The following ZNF445 variants were observed in gnomAD, a reference collection of about 807,000 sequenced individuals.
The protein encoded by ZNF445 is zinc finger protein 168.
ZNF445 carries 19 observed loss-of-function variants against 93.9 expected under a neutral mutation model. That is an observed-to-expected ratio of 0.20 (90% confidence interval 0.14 to 0.30). The LOEUF (loss-of-function observed/expected upper bound fraction) is 0.30. Ranked by LOEUF, ZNF445 falls within the 10% of genes least tolerant of loss-of-function variation. ZNF445 has a pLI of 1.00. For missense variants in ZNF445, 1,058 were observed against 1,259.4 expected, an observed-to-expected ratio of 0.84 and a Z score of 2.42; for synonymous variants, 449 against 446.3, an observed-to-expected ratio of 1.01 and a Z score of -0.08.
chr3:44,468,710 C>T (rs899026083), intron 1 of ZNF445, among the ~76,000 whole-genome samples: 7 of 136,690 alleles, frequency 5.1e-5, no homozygotes, highest in African/African-American at 1.1e-4. Flanking sequence ...CAGCACAAGA[C>T]GACAGCTGTG....
Position 44,447,991 on chromosome 3 carries a change from T to C in ZNF445, c.1680A>G (p.Arg560=), listed in dbSNP as rs1346993626. The C allele has an allele frequency of 6.2e-7, 1 of 1,612,054 alleles. No individual in the cohort carries two copies. Among genetic ancestry groups the C allele is most frequent in the Non-Finnish European group, 8.5e-7 (1 of 1,180,000 alleles). Residue 560 remains arginine (R), a synonymous_variant, in exon 8 of 8, where the codon CGA becomes CGG. Transcript: ENST00000396077. The surrounding 1 kb of genome is among the most constrained non-coding windows in gnomAD (Gnocchi z 4.7). ...FRRLSAYRLH[R]ETHAKKKFLE... The stretch of plus-strand genomic sequence containing the variant: ...GAAATTTCTTCTTAGCATGGGTTTC[T>C]CGGTGCAGACGGTAGGCTGACAGGC...
intron 2 of ZNF445, among the ~76,000 whole-genome samples, chr3:44,456,420 A>AGAAG (rs1559396064): frequency 6.6e-6 from 1 of 152,164 alleles, no homozygotes; most frequent in African/African-American, 2.4e-5. Context: ...CTGTCTCAAA[A>AGAAG]CAAGCAAGCA....
rs1434799491 is a variant in ZNF445 at position 44,434,757 on chromosome 3, C to T, written c.*11818G>A. 6.6e-6 allele frequency: 1 copy of T among 152,168 alleles called. No individual in the cohort carries two copies. 9.4% of individuals were successfully genotyped at this position (152,168 alleles called of 1,614,324 possible). ...AGAGAAACATTCACCAGATGGGTAA[C>T]TGGGCAGCCAAGGGGATAATCGGAT... On this transcript the variant is annotated 3_prime_UTR_variant, in exon 8 of 8. Transcript: ENST00000396077.
At position 44,455,229 on chromosome 3, in the gene ZNF445, C is replaced by A. The variant is rs779961636; in HGVS notation, c.321G>T (p.Leu107=). 5.0e-6 allele frequency: 8 copies of A among 1,614,116 alleles called. No individual in the cohort carries two copies. The African/African-American group carries it at 8.0e-5, about 16-fold the overall frequency. ...LLVLEQFLSI[L]PGELRVWVQL... is the part of the protein sequence containing the mutation. ...GCACCCAAACCCGGAGCTCCCCAGG[C>A]AGGATGCTCAGGAACTGTTCCAGCA... The change falls in exon 3 of 8, where the codon CTG becomes CTT. Residue 107 remains leucine (L), a synonymous_variant. Transcript: ENST00000396077.
chr3:44,443,175 C>T lies in ZNF445; in HGVS notation c.*3400G>A, dbSNP rs1559388084. 6.6e-6 allele frequency: 1 copy of T among 152,216 alleles called. No individual in the cohort carries two copies. 9.4% of individuals were successfully genotyped at this position (152,216 alleles called of 1,614,324 possible). A position where few individuals can be genotyped will look rare whatever the true frequency, so the allele number is the denominator to read the frequency against. Reference sequence around the variant, plus strand: ...CCAGGTGAAGGGAGGCAGCACAAGGCAGAACACTCTGGGGGGCTGGCATGG... The same window carrying T: ...CCAGGTGAAGGGAGGCAGCACAAGGTAGAACACTCTGGGGGGCTGGCATGG... On this transcript the variant is annotated 3_prime_UTR_variant, in exon 8 of 8. Coordinates refer to ENST00000396077, the MANE Select transcript of ZNF445 (RefSeq NM_181489.6).
Position 44,447,600 on chromosome 3 carries a change from TAAAAGTTTTCCCACACTGCTGACACAG to T in ZNF445, c.2044_2070del (p.Leu682_Phe690del), listed in dbSNP as rs1697898071. 1 of 1,614,070 alleles carries T rather than the reference TAAAAGTTTTCCCACACTGCTGACACAG, an allele frequency of 6.2e-7. No individual in the cohort carries two copies. The highest frequency in any genetic ancestry group is 8.5e-7 in the Non-Finnish European group (1 of 1,180,038). On this transcript the variant is annotated inframe_deletion, in exon 8 of 8. Coordinates refer to ENST00000396077, the MANE Select transcript of ZNF445 (RefSeq NM_181489.6). This position sits in a 1 kb window ranked among gnomAD's most constrained non-coding sequence, Gnocchi z 4.7. ...TGGTCAACGAGAGTTTTCTTTCTAG[TAAAAGTTTTCCCACACTGCTGACACAG>T]AAATGTTTTCTCCACAGCGGGAGCA...
intron 1 of ZNF445, among the ~76,000 whole-genome samples, chr3:44,462,378 C>G (rs1698128503): frequency 6.6e-6 from 1 of 152,136 alleles, no homozygotes; most frequent in African/African-American, 2.4e-5. Context: ...ATAGGTAGCC[C>G]TAAAAATTAT....
At position 44,451,468 on chromosome 3, in the gene ZNF445, G is replaced by A. The variant is rs752144717; in HGVS notation, c.444C>T (p.Ala148=). The change falls in exon 4 of 8, where the codon GCC becomes GCT. Residue 148 remains alanine, a synonymous_variant. Transcript: ENST00000396077. The stretch of plus-strand genomic sequence containing the variant: ...CCATCCAATGCACATCTGGGCTCTG[G>A]GCAGGGCCCGGGTCCTGGCAAGAAG... ...DGTSWRDPGP[A]QSPDVHWMGT... The A allele has an allele frequency of 2.5e-6, 4 of 1,606,324 alleles. No homozygotes were observed. The highest frequency in any genetic ancestry group is 2.6e-6 in the Non-Finnish European group (3 of 1,174,250).
intron 1 of ZNF445, among the ~76,000 whole-genome samples, chr3:44,459,812 TAAC>T (rs1698084814): frequency 6.6e-6 from 1 of 152,168 alleles, no homozygotes; most frequent in Admixed American, 6.5e-5. Context: ...CAAATTTAAA[TAAC>T]AAATAAAACC....
chr3:44,464,077 C>A (rs1289876665), intron 1 of ZNF445, among the ~76,000 whole-genome samples: 1 of 152,052 alleles, frequency 6.6e-6, no homozygotes, highest in Non-Finnish European at 1.5e-5. Context: ...AGTGAGCTGA[C>A]ATCGTACCAT....
chr3:44,447,439 A>C lies in ZNF445; in HGVS notation c.2232T>G (p.Ser744Arg). 1 of 1,614,208 alleles carries C rather than the reference A, an allele frequency of 6.2e-7. No homozygotes were observed. The highest frequency in any genetic ancestry group is 8.5e-7 in the Non-Finnish European group (1 of 1,180,044). Residue 744 changes from serine (S) to arginine (R), a missense_variant, in exon 8 of 8, where the codon AGT (serine) becomes AGG (arginine). Physicochemically the swap from Ser to Arg is moderately radical, Grantham distance 110. Transcript: ENST00000396077. This position sits in a 1 kb window ranked among gnomAD's most constrained non-coding sequence, Gnocchi z 4.7. ...GAGGAACCTGGAACACTGTGTCCTG[A>C]CTAAAAGATGGCCCGCCCTCAGGTT... ...KRKPEGGPSF[S>R]QDTVFQVPQS...
In ZNF445 at chr3:44,450,480, T is replaced by A. The variant is rs765111341; in HGVS notation, c.787A>T (p.Met263Leu). 1.9e-6 allele frequency: 3 copies of A among 1,614,054 alleles called. No individual in the cohort carries two copies. Among genetic ancestry groups the A allele is most frequent in the Non-Finnish European group, 2.5e-6 (3 of 1,180,046 alleles). Residue 263 changes from methionine (M) to leucine (L), a missense_variant, in exon 6 of 8, where the codon ATG becomes TTG. Transcript: ENST00000396077. ...GCCATGTTCCTATAATTCTCCAGCA[T>A]CACATCCCTGTACAGGTTCCTCTGA... is the stretch of plus-strand genomic sequence containing the variant. ...SAQRNLYRDVMLENYRNMASL... is the reference protein window; with the variant it reads ...SAQRNLYRDVLLENYRNMASL...
rs1269265819 is a variant in ZNF445 at position 44,446,118 on chromosome 3, G to A, written c.*457C>T. 5.7e-6 allele frequency: 1 copy of A among 176,552 alleles called. No homozygotes were observed. The highest frequency in any genetic ancestry group is 1.2e-5 in the Non-Finnish European group (1 of 84,504). 10.9% of individuals were successfully genotyped at this position (176,552 alleles called of 1,614,324 possible). ...CCCCAGGGGGCATTTGGGAAGGCTA[G>A]GAGTTCTTGATGCTGCTGCTTTTAA... On this transcript the variant is annotated 3_prime_UTR_variant, in exon 8 of 8. Transcript: ENST00000396077. This position sits in a 1 kb window ranked among gnomAD's most constrained non-coding sequence, Gnocchi z 4.2.
intron 1 of ZNF445, among the ~76,000 whole-genome samples, chr3:44,473,925 A>G (rs1312527859): frequency 1.3e-5 from 2 of 152,368 alleles, no homozygotes; most frequent in Middle Eastern, 6.8e-3. Flanking sequence ...CCTCACAAAG[A>G]TTCCAATTAA....
chr3:44,455,031 T>G lies in ZNF445; in HGVS notation c.429+90A>C, dbSNP rs771372426. On this transcript the variant is annotated intron_variant, in intron 3 of 7. Transcript: ENST00000396077. ...AGGCTTCCCCTGCACTCCTCTATAT[T>G]GACAGTTTAGAGGGCCACCCCCATC... 2.2e-5 allele frequency: 34 copies of G among 1,514,978 alleles called. No homozygotes were observed. The East Asian group carries it at 7.4e-4, about 33-fold the overall frequency. The allele number at this position is 1,514,978 out of a possible 1,614,324, so 93.8% of individuals were successfully genotyped here.
chr3:44,453,167 T>C (rs1178365698), intron 3 of ZNF445, among the ~76,000 whole-genome samples: 1 of 152,084 alleles, frequency 6.6e-6, no homozygotes, highest in Non-Finnish European at 1.5e-5. Flanking sequence ...CACCTCGGCC[T>C]CCCAAAGTGC....
rs1698386767 is a variant in ZNF445, at chr3:44,477,623, C to G, written c.-301G>C. 6.5e-6 allele frequency: 1 copy of G among 152,688 alleles called. No homozygotes were observed. Among genetic ancestry groups the G allele is most frequent in the Non-Finnish European group, 1.5e-5 (1 of 68,084 alleles). The allele number at this position is 152,688 out of a possible 1,614,324, so 9.5% of individuals were successfully genotyped here. A position where few individuals can be genotyped will look rare whatever the true frequency, so the allele number is the denominator to read the frequency against. On this transcript the variant is annotated 5_prime_UTR_variant, in exon 1 of 8. Coordinates refer to ENST00000396077, the MANE Select transcript of ZNF445 (RefSeq NM_181489.6). ...CGCCGCCGAGCGACAATCGGTCCAC[C>G]CGCCGCCACCGCAGCCGCCCGTCCC...
In ZNF445 at chr3:44,438,542, C is replaced by CGCCTCA. The variant is rs944323191; in HGVS notation, c.*8027_*8032dup. 2.0e-4 allele frequency: 31 copies of CGCCTCA among 151,880 alleles called. No homozygotes were observed. The highest frequency in any genetic ancestry group is 6.5e-4 in the African/African-American group (27 of 41,324). 9.4% of individuals were successfully genotyped at this position (151,880 alleles called of 1,614,324 possible). A position where few individuals can be genotyped will look rare whatever the true frequency, so the allele number is the denominator to read the frequency against. The stretch of plus-strand genomic sequence containing the variant: ...CGATCTCTTGACCTCGTGATCTGCC[C>CGCCTCA]GCCTCAGCCTCCCAAAGTGCTGGGA... On this transcript the variant is annotated 3_prime_UTR_variant, in exon 8 of 8. Coordinates refer to ENST00000396077, the MANE Select transcript of ZNF445 (RefSeq NM_181489.6).
intron 6 of ZNF445, 70 bp from the exon 7 acceptor site, chr3:44,449,693 G>T: frequency 1.7e-5 from 22 of 1,285,806 alleles, no homozygotes; most frequent in Non-Finnish European, 2.4e-5. Flanking sequence ...GGACCTCTGG[G>T]CCTGAAGTCC....
Sources: allele counts gnomAD v4.1 joint callset (sites outside exome capture counted in the v4.1 genomes callset), GRCh38; gene constraint gnomAD v4.1.1; non-coding constraint Gnocchi (gnomAD v3.1); transcripts MANE v1.5; gene names NCBI Gene and HGNC (gene_info 2026-07-23, HGNC 2026-07-21).